The following LDLRAD4 variants were observed in gnomAD, a reference collection of about 807,000 sequenced individuals.
LDLRAD4 encodes the protein low-density lipoprotein receptor class A domain-containing protein 4.
A neutral mutation model predicts 17.0 loss-of-function variants in LDLRAD4; 5 were observed. The ratio of observed to expected loss-of-function variants is 0.29; its 90% confidence interval spans 0.15 to 0.62. LDLRAD4 has a LOEUF of 0.62. Among genes scored for constraint, LDLRAD4 ranks in the 20% least tolerant of loss-of-function variants. The pLI is 0.84. For synonymous variants in LDLRAD4, 168 were observed against 171.8 expected (o/e 0.98, Z 0.17); for missense variants, 340 against 424.7 (o/e 0.80, Z 1.75).
intron 1 of LDLRAD4, chr18:13,366,050 G>C (rs1358738713): frequency 6.6e-6 from 1 of 152,078 alleles, no homozygotes; most frequent in East Asian, 1.9e-4. Flanking sequence ...TGGGATTACA[G>C]CGTGAGCCAG....
At chr18:13,339,499 C>T (rs1489113870) in intron 1 of LDLRAD4, among the ~76,000 whole-genome samples, 1 of 152,128 alleles carries the variant, frequency 6.6e-6, no homozygotes, top group Non-Finnish European at 1.5e-5. Context: ...CTGCACCCAG[C>T]CATATCACTA....
intron 3 of LDLRAD4, among the ~76,000 whole-genome samples, chr18:13,499,707 A>G (rs561374064): frequency 6.6e-6 from 1 of 151,034 alleles, no homozygotes; most frequent in African/African-American, 2.4e-5. Flanking sequence ...ATCCATCTCC[A>G]CACATGTCCC....
At chr18:13,386,946 A>AGATAGATAGATG (rs2085881579) in intron 1 of LDLRAD4, among the ~76,000 whole-genome samples, 1 of 98,384 alleles carries the variant, frequency 1.0e-5, no homozygotes, top group African/African-American at 6.0e-5. Context: ...ATAGATAGAT[A>AGATAGATAGATG]GATGGATGGA....
chr18:13,471,354 T>C (rs577613432), intron 3 of LDLRAD4: 1 of 152,164 alleles, frequency 6.6e-6, no homozygotes, highest in East Asian at 1.9e-4. Context: ...TGAGCAGAAG[T>C]GGCGGTGGAA....
In LDLRAD4 at chr18:13,346,800, C is replaced by G. The variant is rs566352004; in HGVS notation, c.-382-40541C>G. On this transcript the variant is annotated intron_variant, in intron 1 of 5. Transcript: ENST00000359446. Reference sequence around the variant, plus strand: ...TATATATTTAGGATAGTTAGCTCTTCTTGTTGAATTGATCCCTTTACCATT... The same window carrying G: ...TATATATTTAGGATAGTTAGCTCTTGTTGTTGAATTGATCCCTTTACCATT... 1.1e-3 allele frequency among the ~76,000 whole-genome samples: 163 copies of G among 152,292 alleles called. 1 individual carries two copies. Among genetic ancestry groups the G allele is most frequent in the Non-Finnish European group, 1.3e-4 (9 of 68,022 alleles).
At chr18:13,477,933 A>T (rs1189941957) in intron 3 of LDLRAD4, among the ~76,000 whole-genome samples, 1 of 152,164 alleles carries the variant, frequency 6.6e-6, no homozygotes, top group African/African-American at 2.4e-5. Context: ...CCGGGCTCGG[A>T]TAATGCATCT....
At chr18:13,530,070 A>G (rs774056953) in intron 3 of LDLRAD4, among the ~76,000 whole-genome samples, 26 of 152,210 alleles carry the variant, frequency 1.7e-4, no homozygotes, top group Non-Finnish European at 3.4e-4. Flanking sequence ...AGGAAAAAAA[A>G]CACTGCCCGA....
intron 3 of LDLRAD4, among the ~76,000 whole-genome samples, chr18:13,535,303 T>C (rs8098206): frequency 0.42 from 64,452 of 151,992 alleles, 14,177 homozygotes; most frequent in East Asian, 0.68. Context: ...ATGGGGGTTC[T>C]GATTGAGCCA....
At chr18:13,384,100 A>G (rs1238855728) in intron 1 of LDLRAD4, among the ~76,000 whole-genome samples, 1 of 152,144 alleles carries the variant, frequency 6.6e-6, no homozygotes, top group Non-Finnish European at 1.5e-5. Flanking sequence ...CATGGGAGCT[A>G]TTACACACCT....
At chr18:13,573,234 A>G (rs1568357002) in intron 3 of LDLRAD4, among the ~76,000 whole-genome samples, 1 of 152,068 alleles carries the variant, frequency 6.6e-6, no homozygotes, top group Non-Finnish European at 1.5e-5. Flanking sequence ...CCTCTTAAGT[A>G]GCTGGGATTA....
chr18:13,573,656 AAC>A (rs2094724354), intron 3 of LDLRAD4, among the ~76,000 whole-genome samples: 1 of 152,220 alleles, frequency 6.6e-6, no homozygotes, highest in African/African-American at 2.4e-5. Flanking sequence ...AGGCTGACAA[AAC>A]ACACACCTTG....
intron 1 of LDLRAD4, among the ~76,000 whole-genome samples, chr18:13,264,525 A>G (rs564144207): frequency 1.3e-5 from 2 of 152,336 alleles, no homozygotes; most frequent in Admixed American, 1.3e-4. Context: ...CTCTGTGTAG[A>G]TATTCTGAGC....
chr18:13,405,555 C>T (rs978909631), intron 2 of LDLRAD4, among the ~76,000 whole-genome samples: 14 of 151,868 alleles, frequency 9.2e-5, no homozygotes, highest in Admixed American at 2.0e-4. Context: ...TTCAGCCTCC[C>T]GAGTTGCTGG....
intron 1 of LDLRAD4, among the ~76,000 whole-genome samples, chr18:13,228,419 T>C (rs1381270210): frequency 6.6e-6 from 1 of 152,192 alleles, no homozygotes; most frequent in Admixed American, 6.5e-5. Flanking sequence ...TGTTTGTTAC[T>C]GGCTGAGGTG....
chr18:13,535,747 A>G (rs1309930075), intron 3 of LDLRAD4, among the ~76,000 whole-genome samples: 1 of 151,978 alleles, frequency 6.6e-6, no homozygotes, highest in African/African-American at 2.4e-5. Context: ...TGTCACAAAG[A>G]TTTTCTCCCA....
chr18:13,250,321 C>CT (rs140611551), intron 1 of LDLRAD4, among the ~76,000 whole-genome samples: 2,907 of 150,638 alleles, frequency 0.019, 71 homozygotes, highest in African/African-American at 0.067. Flanking sequence ...GAAACTTTGG[C>CT]TTTTTTTTTC....
At chr18:13,391,076 T>C (rs1052737213) in intron 2 of LDLRAD4, among the ~76,000 whole-genome samples, 2 of 152,218 alleles carry the variant, frequency 1.3e-5, no homozygotes, top group African/African-American at 4.8e-5. Context: ...GTTGCTGTTC[T>C]TAAAATTTTG....
In LDLRAD4 at chr18:13,344,566, G is replaced by T. The variant is rs558692347; in HGVS notation, c.-382-42775G>T. 3.3e-5 allele frequency among the ~76,000 whole-genome samples: 5 copies of T among 152,286 alleles called. No individual in the cohort carries two copies. In the South Asian group the frequency reaches 8.3e-4, roughly 25 times the overall value. On this transcript the variant is annotated intron_variant, in intron 1 of 5. Coordinates refer to ENST00000359446, the Ensembl canonical transcript of LDLRAD4. ...GCTTAGGATTGTCTTGGCAATGTGG[G>T]CTCTTTTTTAGTTCCATGTGAACTT...
At chr18:13,531,088 G>T (rs1030339117) in intron 3 of LDLRAD4, among the ~76,000 whole-genome samples, 2 of 152,150 alleles carry the variant, frequency 1.3e-5, no homozygotes, top group Non-Finnish European at 2.9e-5. Flanking sequence ...TACAAAACTA[G>T]AAGTTGCTAT....
Sources: allele counts gnomAD v4.1 joint callset (sites outside exome capture counted in the v4.1 genomes callset), GRCh38; gene constraint gnomAD v4.1.1; transcripts MANE v1.5; gene names NCBI Gene and HGNC (gene_info 2026-07-23, HGNC 2026-07-21).